The following CASZ1 variants were observed in gnomAD, a reference collection of about 807,000 sequenced individuals.
The protein encoded by CASZ1 is zinc finger protein castor homolog 1.
A neutral mutation model predicts 135.2 loss-of-function variants in CASZ1; 28 were observed. The observed-to-expected ratio is 0.21, with a 90% CI of 0.15 to 0.28. The LOEUF (loss-of-function observed/expected upper bound fraction) is 0.28. Among genes scored for constraint, CASZ1 ranks in the 10% least tolerant of loss-of-function variants. The probability of loss-of-function intolerance (pLI) is 1.00; values close to 1 mark genes in which losing one functional copy is unlikely to be tolerated. For synonymous variants in CASZ1, 1,068 were observed against 1,073.4 expected (o/e 0.99, Z 0.10); for missense variants, 2,161 against 2,453.3 (o/e 0.88, Z 2.52).
intron 2 of CASZ1, among the ~76,000 whole-genome samples, chr1:10,743,034 C>A (rs894156836): frequency 2.0e-5 from 3 of 152,140 alleles, no homozygotes. Flanking sequence ...GGGCCAGTTC[C>A]TGGGGGTGGA....
chr1:10,738,247 C>T lies in CASZ1; in HGVS notation c.-77+22454G>A, dbSNP rs550615628. Among the ~76,000 whole-genome samples the T allele has an allele frequency of 2.6e-5, 4 of 152,244 alleles. No homozygotes were observed. The South Asian group carries it at 8.3e-4, about 32-fold the overall frequency. On this transcript the variant is annotated intron_variant, in intron 2 of 20. Transcript: ENST00000377022. ...CCTTTGAACCAGAGACCCAAGGGAACAGGGCCGCCTGGGCCTTCCAGGTGA... is the reference window on the plus strand; with the variant it reads ...CCTTTGAACCAGAGACCCAAGGGAATAGGGCCGCCTGGGCCTTCCAGGTGA...
chr1:10,715,746 C>T (rs1168241774), intron 2 of CASZ1, among the ~76,000 whole-genome samples: 6 of 136,920 alleles, frequency 4.4e-5, no homozygotes, highest in South Asian at 2.5e-4. Flanking sequence ...CAATCCGCTC[C>T]CCACAGCACC....
At chr1:10,686,398 G>C (rs11579184) in intron 4 of CASZ1, among the ~76,000 whole-genome samples, 50,586 of 152,160 alleles carry the variant, frequency 0.33, 10,148 homozygotes, top group Non-Finnish European at 0.44. Context: ...ACCAACTATG[G>C]GGCAGCCCTG....
At position 10,639,276 on chromosome 1, in the gene CASZ1, G is replaced by A. The variant is rs1209693990; in HGVS notation, c.4946C>T (p.Pro1649Leu). Residue 1649 changes from proline (P) to leucine (L), a missense_variant, in exon 21 of 21, where the codon CCC becomes CTC. Coordinates refer to ENST00000377022, the MANE Select transcript of CASZ1 (RefSeq NM_001079843.3). The surrounding 1 kb of genome is among the most constrained non-coding windows in gnomAD (Gnocchi z 4.0). Reference sequence around the variant, plus strand: ...GGGGGCGGCGGCGTCGGGCGGGCCGGGGTCGCCCGCGTCGCCCAGCGCCAG... The same window carrying A: ...GGGGGCGGCGGCGTCGGGCGGGCCGAGGTCGCCCGCGTCGCCCAGCGCCAG... ...LGLALGDAGDPGPPDAAAPGP... is the reference protein window; with the variant it reads ...LGLALGDAGDLGPPDAAAPGP... 3.6e-6 allele frequency: 4 copies of A among 1,115,988 alleles called. No homozygotes were observed. The highest frequency in any genetic ancestry group is 4.4e-6 in the Non-Finnish European group (4 of 909,060). The allele number at this position is 1,115,988 out of a possible 1,614,324, so 69.1% of individuals were successfully genotyped here. A position where few individuals can be genotyped will look rare whatever the true frequency, so the allele number is the denominator to read the frequency against.
At position 10,755,813 on chromosome 1, in the gene CASZ1, CCA is replaced by C. The variant is rs560497759; in HGVS notation, c.-77+4886_-77+4887del. On this transcript the variant is annotated intron_variant, in intron 2 of 20. Coordinates refer to ENST00000377022, the MANE Select transcript of CASZ1 (RefSeq NM_001079843.3). The surrounding 1 kb of genome is among the most constrained non-coding windows in gnomAD (Gnocchi z 4.3). ...TGGGGTCTACCCATCCTCTGGAGCACCACATCACGGTGGGAGGTGGGGAACCC... is the reference window on the plus strand; with the variant it reads ...TGGGGTCTACCCATCCTCTGGAGCACCATCACGGTGGGAGGTGGGGAACCC... Among the ~76,000 whole-genome samples the C allele has an allele frequency of 5.8e-4, 88 of 152,256 alleles. 1 individual carries two copies. In the South Asian group the frequency reaches 9.5e-3, roughly 17 times the overall value.
At chr1:10,785,834 G>T (rs923729932) in intron 1 of CASZ1, among the ~76,000 whole-genome samples, 19 of 152,250 alleles carry the variant, frequency 1.2e-4, no homozygotes, top group Admixed American at 1.1e-3. Flanking sequence ...CACTAGCAGT[G>T]TGCGTTCCGT....
At chr1:10,763,955 C>T (rs535462314) in intron 1 of CASZ1, among the ~76,000 whole-genome samples, 61 of 152,284 alleles carry the variant, frequency 4.0e-4, no homozygotes, top group African/African-American at 1.4e-3. Flanking sequence ...CTCTGCCTCC[C>T]GAGTTCAAGC....
Position 10,711,940 on chromosome 1 carries a change from G to T in CASZ1, c.-76-6396C>A, listed in dbSNP as rs138600944. ...ACTGGGGGAAGGGGACAGTGAGGAG[G>T]GACTGCTAAGGGGTTCAGGGTTTCT... On this transcript the variant is annotated intron_variant, in intron 2 of 20. Transcript: ENST00000377022. The surrounding 1 kb of genome is among the most constrained non-coding windows in gnomAD (Gnocchi z 4.4). 2.0e-3 allele frequency among the ~76,000 whole-genome samples: 306 copies of T among 152,236 alleles called. 3 individuals are homozygous for T. The highest frequency in any genetic ancestry group is 7.0e-3 in the African/African-American group (289 of 41,550).
rs370082165 is a variant in CASZ1 at position 10,660,154 on chromosome 1, C to T, written c.888G>A (p.Ser296=). The change falls in exon 6 of 21, where the codon TCG becomes TCA. Residue 296 remains serine (S), a synonymous_variant. Transcript: ENST00000377022. ...ETKATILPLP[S]HSSVQMQNLV... is the part of the protein sequence containing the mutation. ...GGTTCTGCATCTGGACACTGCTGTG[C>T]GACGGCAGGGGCAGGATGGTGGCCT... The T allele has an allele frequency of 4.8e-5, 78 of 1,614,024 alleles. No individual in the cohort carries two copies. The highest frequency in any genetic ancestry group is 5.8e-5 in the Non-Finnish European group (68 of 1,179,986).
intron 2 of CASZ1, among the ~76,000 whole-genome samples, chr1:10,738,571 A>G (rs2100525416): frequency 6.6e-6 from 1 of 152,356 alleles, no homozygotes; most frequent in Non-Finnish European, 1.5e-5. Flanking sequence ...CCATGGGGCG[A>G]CCTGGGCCAG....
chr1:10,754,967 C>T lies in CASZ1; in HGVS notation c.-77+5734G>A, dbSNP rs184867125. 7.0e-4 allele frequency among the ~76,000 whole-genome samples: 107 copies of T among 152,340 alleles called. 1 individual carries two copies. The highest frequency in any genetic ancestry group is 1.7e-3 in the Admixed American group (26 of 15,308). On this transcript the variant is annotated intron_variant, in intron 2 of 20. Transcript: ENST00000377022. The stretch of plus-strand genomic sequence containing the variant: ...TTTCCTCCTCTTACCCCGTTGGCCA[C>T]GGGGGTCCCAACCCAGCTACCATAG...
At chr1:10,729,279 C>T (rs530199331) in intron 2 of CASZ1, among the ~76,000 whole-genome samples, 6 of 152,288 alleles carry the variant, frequency 3.9e-5, no homozygotes, top group Admixed American at 3.9e-4. Context: ...TGCAGGGGGG[C>T]TTCCTGGGGG....
At chr1:10,723,249 AC>A (rs1279308071) in intron 2 of CASZ1, among the ~76,000 whole-genome samples, 1 of 151,844 alleles carries the variant, frequency 6.6e-6, no homozygotes, top group Non-Finnish European at 1.5e-5. Context: ...AGAGGGGCCC[AC>A]CTCCCCCTGG....
rs1183780612 is a variant in CASZ1, at chr1:10,707,695, G to A, written c.-76-2151C>T. Among the ~76,000 whole-genome samples, 3 of 152,120 alleles carry A rather than the reference G, an allele frequency of 2.0e-5. No homozygotes were observed. Among genetic ancestry groups the A allele is most frequent in the Non-Finnish European group, 4.4e-5 (3 of 68,010 alleles). On this transcript the variant is annotated intron_variant, in intron 2 of 20. Transcript: ENST00000377022. This position sits in a 1 kb window ranked among gnomAD's most constrained non-coding sequence, Gnocchi z 5.0. ...CCTGGGATACTGGGACCCCAGTGGG[G>A]GCCTAAGAAGTAGCTGAGAGTTCAT... is the stretch of plus-strand genomic sequence containing the variant.
intron 2 of CASZ1, among the ~76,000 whole-genome samples, chr1:10,712,564 G>A (rs1016098633): frequency 1.3e-5 from 2 of 152,030 alleles, no homozygotes; most frequent in Non-Finnish European, 1.5e-5. Flanking sequence ...GGTGAGACAC[G>A]GTGACTTCAA....
Position 10,656,634 on chromosome 1 carries a change from C to T in CASZ1, c.1500+12G>A, listed in dbSNP as rs746160537. On this transcript the variant is annotated intron_variant, in intron 8 of 20. Coordinates refer to ENST00000377022, the MANE Select transcript of CASZ1 (RefSeq NM_001079843.3). ...TGGCGGAGAGGCGGAGCCCATCTGG[C>T]TGTGGCCGTACCTGGTAGTTACACT... is the stretch of plus-strand genomic sequence containing the variant. 6.3e-6 allele frequency: 10 copies of T among 1,583,088 alleles called. 1 individual carries two copies. In the South Asian group the frequency reaches 1.2e-4, roughly 18 times the overall value.
At chr1:10,772,294 G>A (rs558262590) in intron 1 of CASZ1, among the ~76,000 whole-genome samples, 11 of 152,276 alleles carry the variant, frequency 7.2e-5, no homozygotes, top group Admixed American at 2.6e-4. Flanking sequence ...TCAGTCCCAG[G>A]CACCCCCAGA....
intron 4 of CASZ1, among the ~76,000 whole-genome samples, chr1:10,667,205 C>T (rs1418748958): frequency 6.6e-6 from 1 of 152,226 alleles, no homozygotes; most frequent in Non-Finnish European, 1.5e-5. Flanking sequence ...CACAGATAAC[C>T]GTCCCCTGAT....
chr1:10,758,371 G>C (rs530373568), intron 2 of CASZ1, among the ~76,000 whole-genome samples: 1 of 131,568 alleles, frequency 7.6e-6, no homozygotes, highest in Admixed American at 9.0e-5. Flanking sequence ...TTGCTCTGTC[G>C]CCCAGACTGG....
Sources: gnomAD v4.1 joint callset for allele counts (sites outside exome capture counted in the v4.1 genomes callset) on GRCh38, gnomAD v4.1.1 for gene constraint, Gnocchi (gnomAD v3.1) non-coding constraint, MANE v1.5 for transcripts, NCBI Gene and HGNC (gene_info 2026-07-23, HGNC 2026-07-21) for gene names.